Variants in PPP2R2D observed in about 807,000 individuals in gnomAD.
The protein encoded by PPP2R2D is protein phosphatase 2 regulatory subunit Bdelta.
In PPP2R2D, 9 loss-of-function variants were observed where a neutral mutation model predicts 31.1. The observed-to-expected ratio is 0.29, with a 90% CI of 0.17 to 0.51. The LOEUF (loss-of-function observed/expected upper bound fraction) is 0.51, where lower values mean the gene tolerates loss of function less well. PPP2R2D is among the 20% of genes least tolerant of loss of function. The pLI is 0.98. For synonymous variants in PPP2R2D, 179 were observed against 172.6 expected (o/e 1.04, Z -0.29); for missense variants, 391 against 465.6 (o/e 0.84, Z 1.48).
chr10:131,915,924 A>T (rs1554892991), intron 2 of PPP2R2D, among the ~76,000 whole-genome samples: 1 of 152,192 alleles, frequency 6.6e-6, no homozygotes, highest in Non-Finnish European at 1.5e-5. Context: ...AGAGAATGAG[A>T]AAGTTTTTAC....
chr10:131,906,752 C>A (rs1461108460), intron 2 of PPP2R2D, among the ~76,000 whole-genome samples: 10 of 138,128 alleles, frequency 7.2e-5, no homozygotes, highest in African/African-American at 2.8e-4. Context: ...GAGATCTTGT[C>A]TCTACCAAAA....
intron 2 of PPP2R2D, among the ~76,000 whole-genome samples, chr10:131,907,022 T>C (rs2035600275): frequency 6.6e-6 from 1 of 151,926 alleles, no homozygotes; most frequent in Non-Finnish European, 1.5e-5. Flanking sequence ...TATAATCTCC[T>C]ATAATGTCTT....
At chr10:131,915,643 G>A (rs1367862155) in intron 2 of PPP2R2D, among the ~76,000 whole-genome samples, 1 of 152,164 alleles carries the variant, frequency 6.6e-6, no homozygotes, top group African/African-American at 2.4e-5. Context: ...TCCATGGGTT[G>A]CCTTTTATCA....
intron 2 of PPP2R2D, among the ~76,000 whole-genome samples, chr10:131,903,010 C>G (rs922586781): frequency 3.9e-5 from 6 of 152,086 alleles, no homozygotes; most frequent in African/African-American, 1.4e-4. Flanking sequence ...CGTCAGTCTC[C>G]CAAGGTGCTG....
At chr10:131,965,629 A>G in the PPP2R2D span, among the ~76,000 whole-genome samples, 1 of 152,116 alleles carries the variant, frequency 6.6e-6, no homozygotes, top group African/African-American at 2.4e-5. Flanking sequence ...GTATTTTAGT[A>G]GAGACGGGGT....
chr10:131,952,533 CTGTCT>C (rs1372832830), intron 8 of PPP2R2D, among the ~76,000 whole-genome samples: 8 of 33,120 alleles, frequency 2.4e-4, no homozygotes, highest in African/African-American at 1.5e-3. Flanking sequence ...GGGTGGTTCA[CTGTCT>C]TAGTGACTTG....
At chr10:131,970,348 C>T in the PPP2R2D span, 1 of 472,826 alleles carries the variant, frequency 2.1e-6, no homozygotes, top group African/African-American at 2.0e-5. This position sits in a 1 kb window ranked among gnomAD's most constrained non-coding sequence, Gnocchi z 4.1. Context: ...ACACACAGGA[C>T]AAAGAGGTCA....
intron 2 of PPP2R2D, among the ~76,000 whole-genome samples, chr10:131,922,395 C>A (rs1211579779): frequency 6.6e-6 from 1 of 151,270 alleles, no homozygotes; most frequent in African/African-American, 2.4e-5. Context: ...TTAATTGTTC[C>A]ACAATGTATG....
intron 8 of PPP2R2D, among the ~76,000 whole-genome samples, chr10:131,955,008 G>GTT (rs2036768095): frequency 6.6e-6 from 1 of 152,186 alleles, no homozygotes; most frequent in East Asian, 1.9e-4. Context: ...GATTGCAGAG[G>GTT]TTTTTACCAG....
intron 2 of PPP2R2D, among the ~76,000 whole-genome samples, chr10:131,931,124 C>A (rs1182611414): frequency 6.6e-6 from 1 of 152,194 alleles, no homozygotes; most frequent in Non-Finnish European, 1.5e-5. Flanking sequence ...TCCCTCTCCT[C>A]TCCCCTCCAT....
At chr10:131,954,852 C>T (rs782810816) in intron 8 of PPP2R2D, among the ~76,000 whole-genome samples, 13 of 152,172 alleles carry the variant, frequency 8.5e-5, no homozygotes, top group Non-Finnish European at 1.6e-4. Flanking sequence ...GAAGAGGAGG[C>T]GAGCTTCAAG....
intron 2 of PPP2R2D, among the ~76,000 whole-genome samples, chr10:131,934,117 C>A (rs1554896102): frequency 6.6e-6 from 1 of 152,082 alleles, no homozygotes; most frequent in Non-Finnish European, 1.5e-5. Context: ...CTTCAGGACC[C>A]ATTTTTTTCC....
At chr10:131,928,383 G>A (rs72856062) in intron 2 of PPP2R2D, among the ~76,000 whole-genome samples, 1,691 of 152,370 alleles carry the variant, frequency 0.011, 17 homozygotes, top group Non-Finnish European at 0.018. Flanking sequence ...AGAACTAGCC[G>A]AAGAGGACCT....
chr10:131,960,480 C>CA (rs1344362904), downstream of PPP2R2D, among the ~76,000 whole-genome samples: 1 of 152,192 alleles, frequency 6.6e-6, no homozygotes, highest in African/African-American at 2.4e-5. Context: ...TGGACAGACT[C>CA]AGTCTGATTT....
chr10:131,908,404 G>A (rs1290361921), intron 2 of PPP2R2D, among the ~76,000 whole-genome samples: 8 of 152,220 alleles, frequency 5.3e-5, no homozygotes, highest in Non-Finnish European at 8.8e-5. Context: ...GTTCAGTGTC[G>A]TCTTAGACTC....
At chr10:131,933,975 A>C (rs905659970) in intron 2 of PPP2R2D, among the ~76,000 whole-genome samples, 3 of 152,322 alleles carry the variant, frequency 2.0e-5, no homozygotes, top group African/African-American at 7.2e-5. Context: ...TACTGTCTAG[A>C]ATATTACATT....
intron 2 of PPP2R2D, among the ~76,000 whole-genome samples, chr10:131,917,789 C>T (rs1438259476): frequency 2.1e-5 from 2 of 94,574 alleles, no homozygotes; most frequent in South Asian, 4.2e-4. Flanking sequence ...AGTGTAGGGA[C>T]CTCACGTGGG....
intron 2 of PPP2R2D, among the ~76,000 whole-genome samples, chr10:131,909,558 C>T (rs2119731300): frequency 6.6e-6 from 1 of 152,332 alleles, no homozygotes; most frequent in East Asian, 1.9e-4. Flanking sequence ...CTGCCTTTAG[C>T]AGGAAGACAG....
At chr10:131,928,450 A>G (rs2036147251) in intron 2 of PPP2R2D, among the ~76,000 whole-genome samples, 1 of 152,218 alleles carries the variant, frequency 6.6e-6, no homozygotes, top group African/African-American at 2.4e-5. Context: ...ACAATGACTC[A>G]GTAATTTTAG....
Sources: allele counts gnomAD v4.1 joint callset (sites outside exome capture counted in the v4.1 genomes callset), GRCh38; gene constraint gnomAD v4.1.1; non-coding constraint Gnocchi (gnomAD v3.1); transcripts MANE v1.5; gene names NCBI Gene and HGNC (gene_info 2026-07-23, HGNC 2026-07-21).